Variants in TAOK1 observed in about 807,000 individuals in gnomAD.
TAOK1 encodes TAO kinase 1, also known as serine/threonine-protein kinase TAO1.
In TAOK1, 21 loss-of-function variants were observed where a neutral mutation model predicts 138.3. That is an observed-to-expected ratio of 0.15 (90% CI 0.11 to 0.22). The LOEUF is 0.22. TAOK1 is among the 10% of genes least tolerant of loss of function. The pLI is 1.00. For synonymous variants in TAOK1, 361 were observed against 398.4 expected (o/e 0.91, Z 1.12); for missense variants, 651 against 1,227.7 (o/e 0.53, Z 7.02).
chr17:29,474,853 T>TAAAA (rs61128492), intron 3 of TAOK1, among the ~76,000 whole-genome samples: 1 of 149,818 alleles, frequency 6.7e-6, no homozygotes, highest in African/African-American at 2.4e-5. Context: ...CAATTTGTTT[T>TAAAA]AAAAAAAAAA....
At chr17:29,454,892 G>A (rs761228154) in intron 2 of TAOK1, among the ~76,000 whole-genome samples, 5 of 151,588 alleles carry the variant, frequency 3.3e-5, no homozygotes, top group Non-Finnish European at 7.4e-5. Flanking sequence ...TAGTAGAGAC[G>A]GGGTTTCACT....
chr17:29,505,321 A>G (rs2031610208), intron 13 of TAOK1, among the ~76,000 whole-genome samples: 1 of 152,126 alleles, frequency 6.6e-6, no homozygotes, highest in Admixed American at 6.6e-5. Context: ...GTCTGAAACA[A>G]GGTACAGTTA....
intron 1 of TAOK1, among the ~76,000 whole-genome samples, chr17:29,444,875 A>G (rs547622298): frequency 6.6e-6 from 1 of 152,356 alleles, no homozygotes; most frequent in South Asian, 2.1e-4. Context: ...TACTGTATAA[A>G]TTCTACCCAT....
chr17:29,513,346 A>G (rs2031757907), intron 15 of TAOK1: 1 of 152,162 alleles, frequency 6.6e-6, no homozygotes, highest in African/African-American at 2.4e-5. Flanking sequence ...TTCGAAAGCC[A>G]AACTCTACTG....
At chr17:29,523,169 C>T (rs2031949722) in intron 17 of TAOK1, among the ~76,000 whole-genome samples, 1 of 151,018 alleles carries the variant, frequency 6.6e-6, no homozygotes, top group African/African-American at 2.4e-5. Context: ...CTCTGTTGTT[C>T]CAAGTAAAAT....
intron 1 of TAOK1, among the ~76,000 whole-genome samples, chr17:29,397,381 A>G (rs1904644476): frequency 6.6e-6 from 1 of 151,350 alleles, no homozygotes; most frequent in African/African-American, 2.4e-5. Context: ...AGGTGGGCAG[A>G]ACACAAGGTC....
intron 1 of TAOK1, among the ~76,000 whole-genome samples, chr17:29,444,110 C>T (rs9916533): frequency 0.63 from 95,458 of 150,750 alleles, 31,614 homozygotes; most frequent in East Asian, 0.97. Context: ...GTGAGACTGT[C>T]TCAGAAAAAA....
At chr17:29,490,638 T>C (rs770797446) in intron 9 of TAOK1, among the ~76,000 whole-genome samples, 3 of 152,212 alleles carry the variant, frequency 2.0e-5, no homozygotes, top group Admixed American at 6.5e-5. Flanking sequence ...TTTAGAATTA[T>C]ATAGAACGAA....
chr17:29,522,678 C>G (rs986526822), intron 17 of TAOK1, among the ~76,000 whole-genome samples, 159 bp downstream of exon 17: 3 of 152,146 alleles, frequency 2.0e-5, no homozygotes, highest in Non-Finnish European at 4.4e-5. Context: ...ATGCCTGTTG[C>G]TACAGTCTTT....
chr17:29,515,675 A>C (rs1419459664), intron 15 of TAOK1, among the ~76,000 whole-genome samples: 1 of 151,944 alleles, frequency 6.6e-6, no homozygotes, highest in Non-Finnish European at 1.5e-5. Flanking sequence ...CTCTACTAAA[A>C]ATACAAAAAA....
chr17:29,429,563 A>G (rs568478008), intron 1 of TAOK1, among the ~76,000 whole-genome samples: 1 of 152,340 alleles, frequency 6.6e-6, no homozygotes, highest in South Asian at 2.1e-4. Context: ...GGTGTGAGCC[A>G]CCATGCCCGG....
At position 29,550,098 on chromosome 17, in the gene TAOK1, G is replaced by T. The variant is rs2032465559; in HGVS notation, c.*7076G>T. 6.6e-6 allele frequency: 1 copy of T among 152,010 alleles called. No individual in the cohort carries two copies. Among genetic ancestry groups the T allele is most frequent in the Admixed American group, 6.6e-5 (1 of 15,252 alleles). The allele number at this position is 152,010 out of a possible 1,614,324, so 9.4% of individuals were successfully genotyped here. On this transcript the variant is annotated 3_prime_UTR_variant, in exon 20 of 20. Transcript: ENST00000261716. ...TTAGGAGCTGCAGGTGGTTTCATAG[G>T]GTAAAATCCAAGAAAAGAGAAGGAT...
At chr17:29,425,213 A>G (rs1001705574) in intron 1 of TAOK1, among the ~76,000 whole-genome samples, 1 of 152,072 alleles carries the variant, frequency 6.6e-6, no homozygotes, top group African/African-American at 2.4e-5. Context: ...GGGATTACAG[A>G]CACACACCAC....
intron 1 of TAOK1, among the ~76,000 whole-genome samples, chr17:29,416,909 G>A (rs986372968): frequency 4.6e-5 from 7 of 151,936 alleles, no homozygotes; most frequent in Admixed American, 2.0e-4. Context: ...TTCCCATCCC[G>A]CTTCATTATT....
intron 1 of TAOK1, among the ~76,000 whole-genome samples, chr17:29,398,690 T>C (rs1904738569): frequency 6.6e-6 from 1 of 151,842 alleles, no homozygotes; most frequent in Non-Finnish European, 1.5e-5. Flanking sequence ...CCACCATGCC[T>C]GGCTAATGTT....
In TAOK1 at chr17:29,549,751, A is replaced by ATT. The variant is rs2150783177; in HGVS notation, c.*6729_*6730insTT. On this transcript the variant is annotated 3_prime_UTR_variant, in exon 20 of 20. Transcript: ENST00000261716. ...TAGACAAGTTTATATATAACTTACC[A>ATT]AGATGTTGGCTGTCCTGGTGTATTG... The ATT allele has an allele frequency of 6.6e-6, 1 of 152,286 alleles. No individual in the cohort carries two copies. Among genetic ancestry groups the ATT allele is most frequent in the African/African-American group, 2.4e-5 (1 of 41,566 alleles). 9.4% of individuals were successfully genotyped at this position (152,286 alleles called of 1,614,324 possible). A position where few individuals can be genotyped will look rare whatever the true frequency, so the allele number is the denominator to read the frequency against.
At chr17:29,477,624 T>A in intron 4 of TAOK1, 37 bp from the exon 5 acceptor site, 1 of 1,116,576 alleles carries the variant, frequency 9.0e-7, no homozygotes, top group Non-Finnish European at 1.2e-6. Context: ...ATCTTTATAA[T>A]AATATATTTT....
intron 17 of TAOK1, among the ~76,000 whole-genome samples, chr17:29,526,847 A>AAAAAAT (rs2032019732): frequency 6.7e-6 from 1 of 149,750 alleles, no homozygotes; most frequent in African/African-American, 2.5e-5. Flanking sequence ...AAAAAAAAAA[A>AAAAAAT]GCCAGGCACA....
At chr17:29,431,316 C>A (rs1245573918) in intron 1 of TAOK1, among the ~76,000 whole-genome samples, 1 of 151,998 alleles carries the variant, frequency 6.6e-6, no homozygotes, top group Non-Finnish European at 1.5e-5. Context: ...GTGGTGTGTG[C>A]CTGTAGTCTC....
Sources: gnomAD v4.1 joint callset for allele counts (sites outside exome capture counted in the v4.1 genomes callset) on GRCh38, gnomAD v4.1.1 for gene constraint, MANE v1.5 for transcripts, NCBI Gene and HGNC (gene_info 2026-07-23, HGNC 2026-07-21) for gene names.